URI1: variants seen among roughly 807,000 people sequenced by gnomAD.
URI1 encodes the protein URI1 prefoldin like chaperone, also known as unconventional prefoldin RPB5 interactor 1.
A neutral mutation model predicts 60.2 loss-of-function variants in URI1; 39 were observed. The ratio of observed to expected loss-of-function variants is 0.65; its 90% CI spans 0.50 to 0.85. The LOEUF is 0.85. Ranked by LOEUF, URI1 falls within the 40% of genes least tolerant of loss-of-function variation. The pLI is 0.00. For missense variants in URI1, 691 were observed against 665.9 expected (o/e 1.04, Z -0.42); for synonymous variants, 251 against 236.8 (o/e 1.06, Z -0.55).
chr19:30,005,461 T>C lies in URI1; in HGVS notation c.459+9T>C, dbSNP rs747812745. ...TGCAGAAAATGAGCGATGTGAGTAT[T>C]TGTTTTTAGTCTTCTATATTTTTAG... On this transcript the variant is annotated intron_variant, in intron 5 of 10. Coordinates refer to ENST00000392271, the MANE Select transcript of URI1 (RefSeq NM_003796.3). The C allele has an allele frequency of 1.3e-6, 2 of 1,581,176 alleles. No individual in the cohort carries two copies. The highest frequency in any genetic ancestry group is 1.7e-6 in the Non-Finnish European group (2 of 1,165,750).
chr19:29,986,632 G>T (rs973602908), intron 4 of URI1, among the ~76,000 whole-genome samples: 1 of 152,062 alleles, frequency 6.6e-6, no homozygotes, highest in African/African-American at 2.4e-5. Flanking sequence ...ACCTACATTG[G>T]CATGTTTTCA....
chr19:30,005,316 G>T, intron 4 of URI1, 45 bp from the exon 5 acceptor site: 4 of 1,108,692 alleles, frequency 3.6e-6, no homozygotes, highest in Non-Finnish European at 5.3e-6. Flanking sequence ...CCTACAGGTC[G>T]TATATATGCC....
intron 4 of URI1, among the ~76,000 whole-genome samples, chr19:30,003,666 A>T (rs1171005508): frequency 6.6e-6 from 1 of 152,074 alleles, no homozygotes; most frequent in Non-Finnish European, 1.5e-5. Flanking sequence ...ATTGAAAGTA[A>T]CTCCTATAAC....
intron 2 of URI1, among the ~76,000 whole-genome samples, chr19:29,971,483 A>G (rs1021545087): frequency 1.3e-5 from 2 of 151,960 alleles, no homozygotes; most frequent in Non-Finnish European, 2.9e-5. Context: ...TCTAAGAATA[A>G]TATTAATATC....
intron 1 of URI1, among the ~76,000 whole-genome samples, chr19:29,970,284 C>T (rs2055443405): frequency 6.6e-6 from 1 of 151,626 alleles, no homozygotes; most frequent in Non-Finnish European, 1.5e-5. Context: ...TAGTCTTAAG[C>T]ATTTTGGCTT....
chr19:30,009,052 A>G lies in URI1; in HGVS notation c.734A>G (p.Glu245Gly), dbSNP rs765622461. ...AATGGAGAAGATACGACATCTTCTGAAGAGGAAAAGGAAGATCGTAACACA... is the reference window on the plus strand; with the variant it reads ...AATGGAGAAGATACGACATCTTCTGGAGAGGAAAAGGAAGATCGTAACACA... ...IANGEDTTSS[E>G]EEKEDRNTNV... The change falls in exon 8 of 11, where the codon GAA (glutamate) becomes GGA (glycine). Residue 245 changes from glutamate to glycine, a missense_variant. Glu to Gly is a moderately conservative substitution (Grantham distance 98). Coordinates refer to ENST00000392271, the MANE Select transcript of URI1 (RefSeq NM_003796.3). 2 of 1,613,752 alleles carry G rather than the reference A, an allele frequency of 1.2e-6. No homozygotes were observed. The highest frequency in any genetic ancestry group is 1.7e-6 in the Non-Finnish European group (2 of 1,179,810).
At chr19:29,931,553 T>C (rs334992) in intron 1 of URI1, among the ~76,000 whole-genome samples, 143,667 of 152,260 alleles carry the variant, frequency 0.94, 67,843 homozygotes, top group East Asian at 1. Context: ...GTCCCATTGG[T>C]GGTTAGGGCA....
chr19:30,012,591 A>G lies in URI1; in HGVS notation c.1425+60A>G, dbSNP rs1170409647. On this transcript the variant is annotated intron_variant, in intron 10 of 10. Transcript: ENST00000392271. ...ATAGTATCTTTGACCAGTTTTAGCT[A>G]TTTAATCTGAAAAGTCATAAGATTA... is the stretch of plus-strand genomic sequence containing the variant. 3 of 1,552,964 alleles carry G rather than the reference A, an allele frequency of 1.9e-6. No individual in the cohort carries two copies. In the African/African-American group the frequency reaches 4.1e-5, roughly 21 times the overall value.
chr19:29,956,694 A>G, intron 1 of URI1: 2 of 1,545,492 alleles, frequency 1.3e-6, no homozygotes, highest in Non-Finnish European at 1.8e-6. Flanking sequence ...TGATGGGGGA[A>G]GTGAGCATAC....
At chr19:29,951,083 G>A (rs2055173780) in intron 1 of URI1, among the ~76,000 whole-genome samples, 1 of 152,108 alleles carries the variant, frequency 6.6e-6, no homozygotes, top group Non-Finnish European at 1.5e-5. Flanking sequence ...AAGTGGTAAG[G>A]TCCTGTCTCT....
intron 1 of URI1, among the ~76,000 whole-genome samples, chr19:29,947,707 A>G (rs1316766478): frequency 6.6e-6 from 1 of 152,156 alleles, no homozygotes; most frequent in African/African-American, 2.4e-5. Flanking sequence ...CTGCCTTTCC[A>G]ATTATATATT....
intron 4 of URI1, among the ~76,000 whole-genome samples, chr19:29,999,953 G>A (rs1376463913): frequency 6.8e-6 from 1 of 146,550 alleles, no homozygotes; most frequent in East Asian, 2.0e-4. Flanking sequence ...TTTTCCAGTG[G>A]TTGGCATATC....
chr19:29,944,173 A>T (rs1334209779), intron 1 of URI1, among the ~76,000 whole-genome samples: 2 of 79,520 alleles, frequency 2.5e-5, no homozygotes, highest in Non-Finnish European at 4.5e-5. Context: ...ATATATATAT[A>T]TATATATATA....
At chr19:29,959,766 A>G (rs114362265) in intron 1 of URI1, among the ~76,000 whole-genome samples, 2,465 of 149,710 alleles carry the variant, frequency 0.016, 71 homozygotes, top group African/African-American at 0.057. Flanking sequence ...TCTCTTCTTA[A>G]GGGTTTATCA....
At chr19:29,976,083 G>A (rs926206727) in intron 2 of URI1, among the ~76,000 whole-genome samples, 1 of 151,790 alleles carries the variant, frequency 6.6e-6, no homozygotes, top group Non-Finnish European at 1.5e-5. Context: ...TAACTTTTAG[G>A]ATTACTAAAT....
chr19:29,940,629 A>G (rs2055013772), upstream of URI1, among the ~76,000 whole-genome samples: 1 of 152,132 alleles, frequency 6.6e-6, no homozygotes, highest in Admixed American at 6.5e-5. Flanking sequence ...AGCCTGGGCA[A>G]CAGAGGAAAA....
At chr19:30,008,364 A>G (rs1055458150) in intron 7 of URI1, among the ~76,000 whole-genome samples, 2 of 152,096 alleles carry the variant, frequency 1.3e-5, no homozygotes, top group Non-Finnish European at 2.9e-5. Context: ...CTTTTTGATT[A>G]ACTAATACTA....
upstream of URI1, among the ~76,000 whole-genome samples, chr19:29,938,909 C>A (rs2054996901): frequency 6.6e-6 from 1 of 151,224 alleles, no homozygotes; most frequent in Admixed American, 6.6e-5. Flanking sequence ...ATCTCCTGAC[C>A]TCAGGATCTG....
chr19:29,976,125 A>G (rs2145341300), intron 2 of URI1, among the ~76,000 whole-genome samples: 1 of 152,296 alleles, frequency 6.6e-6, no homozygotes, highest in South Asian at 2.1e-4. Flanking sequence ...TTAAATAAAT[A>G]ATTGCTACAT....
Sources: gnomAD v4.1 joint callset for allele counts (sites outside exome capture counted in the v4.1 genomes callset) on GRCh38, gnomAD v4.1.1 for gene constraint, MANE v1.5 for transcripts, NCBI Gene and HGNC (gene_info 2026-07-23, HGNC 2026-07-21) for gene names.